Variants in SYT2 observed in about 807,000 individuals in gnomAD.
SYT2 encodes synaptotagmin-2.
In SYT2, 15 loss-of-function variants were observed where a neutral mutation model predicts 39.9. The observed-to-expected ratio is 0.38, with a 90% CI of 0.25 to 0.58. SYT2 has a LOEUF of 0.58. SYT2 is among the 20% of genes least tolerant of loss of function. The probability of loss-of-function intolerance (pLI) is 0.70; values close to 1 mark genes in which losing one functional copy is unlikely to be tolerated. For missense variants in SYT2, 389 were observed against 530.3 expected (o/e 0.73, Z 2.62); for synonymous variants, 181 against 204.5 (o/e 0.89, Z 0.98).
At chr1:202,618,896 A>G (rs1385256818) in intron 1 of SYT2, among the ~76,000 whole-genome samples, 1 of 152,158 alleles carries the variant, frequency 6.6e-6, no homozygotes, top group Non-Finnish European at 1.5e-5. Context: ...AAAATGTAAA[A>G]AGAAGGAAAA....
At chr1:202,654,237 A>T (rs990193736) in intron 1 of SYT2, among the ~76,000 whole-genome samples, 1 of 152,192 alleles carries the variant, frequency 6.6e-6, no homozygotes, top group African/African-American at 2.4e-5. Flanking sequence ...GGATGAGCTA[A>T]TTAACTTAAC....
chr1:202,669,460 G>A (rs1692541504), intron 1 of SYT2, among the ~76,000 whole-genome samples: 1 of 152,028 alleles, frequency 6.6e-6, no homozygotes. Context: ...GACCAGTCTG[G>A]CCAAGATGGT....
At chr1:202,600,201 A>G (rs1487903845) in intron 7 of SYT2, among the ~76,000 whole-genome samples, 156 bp downstream of exon 7, 13 of 152,204 alleles carry the variant, frequency 8.5e-5, no homozygotes, top group Non-Finnish European at 1.2e-4. Context: ...GGAGAAAAGG[A>G]GGGCCTGGGA....
At chr1:202,598,809 T>C (rs1487145039) in intron 8 of SYT2, among the ~76,000 whole-genome samples, 3 of 152,002 alleles carry the variant, frequency 2.0e-5, no homozygotes, top group African/African-American at 7.2e-5. Context: ...GAGGAGTAGA[T>C]GGGAAAGACC....
At chr1:202,648,248 T>C (rs928302976) in intron 1 of SYT2, among the ~76,000 whole-genome samples, 2 of 151,876 alleles carry the variant, frequency 1.3e-5, no homozygotes, top group African/African-American at 4.8e-5. Flanking sequence ...AGGTGTGATC[T>C]CGGCTCACCG....
At chr1:202,606,025 G>A (rs1459732103) in intron 1 of SYT2, among the ~76,000 whole-genome samples, 2 of 151,906 alleles carry the variant, frequency 1.3e-5, no homozygotes, top group Non-Finnish European at 2.9e-5. Flanking sequence ...GCATAGTGGG[G>A]GCTGAAGTGA....
intron 1 of SYT2, among the ~76,000 whole-genome samples, chr1:202,613,141 T>C (rs1249042007): frequency 7.5e-6 from 1 of 132,684 alleles, no homozygotes; most frequent in African/African-American, 2.8e-5. Context: ...AGAGCAGTGG[T>C]GCAATCTCGG....
At chr1:202,636,877 T>A (rs11585137) in intron 1 of SYT2, among the ~76,000 whole-genome samples, 39,993 of 152,090 alleles carry the variant, frequency 0.26, 5,450 homozygotes, top group Non-Finnish European at 0.31. Flanking sequence ...AGTGTTTAAG[T>A]AACTTAGCCA....
At chr1:202,620,805 C>T (rs113367809) in intron 1 of SYT2, among the ~76,000 whole-genome samples, 23 of 152,174 alleles carry the variant, frequency 1.5e-4, no homozygotes, top group South Asian at 6.2e-4. Context: ...GAGACGACCT[C>T]GCACACTCAC....
intron 1 of SYT2, among the ~76,000 whole-genome samples, chr1:202,649,511 C>G (rs1020480413): frequency 1.3e-5 from 2 of 152,144 alleles, no homozygotes; most frequent in South Asian, 4.1e-4. Context: ...ATTCTTATTT[C>G]TATTTTCAAG....
rs1690688627 is a variant in SYT2 at position 202,605,875 on chromosome 1, C to A, written c.-17-86G>T. The A allele has an allele frequency of 1.2e-5, 11 of 884,582 alleles. No individual in the cohort carries two copies. In the South Asian group the frequency reaches 1.5e-4, roughly 12 times the overall value. The allele number at this position is 884,582 out of a possible 1,614,324, so 54.8% of individuals were successfully genotyped here. A position where few individuals can be genotyped will look rare whatever the true frequency, so the allele number is the denominator to read the frequency against. On this transcript the variant is annotated intron_variant, in intron 1 of 8. Transcript: ENST00000367268. ...GCCCTGCCCAAAGGACCAGGAGAAGCTCTTTATAGATCAAAGATATTTTGC... is the reference window on the plus strand; with the variant it reads ...GCCCTGCCCAAAGGACCAGGAGAAGATCTTTATAGATCAAAGATATTTTGC...
intron 1 of SYT2, chr1:202,639,788 C>T: frequency 1.0e-6 from 1 of 985,464 alleles, no homozygotes; most frequent in Non-Finnish European, 1.2e-6. Flanking sequence ...CTCCTGGAGC[C>T]TGAGGCCAGT....
chr1:202,597,183 C>A (rs1165034683), intron 8 of SYT2, among the ~76,000 whole-genome samples: 2 of 152,182 alleles, frequency 1.3e-5, no homozygotes, highest in African/African-American at 4.8e-5. Flanking sequence ...TGAGGATGTA[C>A]TGTGCTCTAG....
intron 1 of SYT2, among the ~76,000 whole-genome samples, chr1:202,651,797 A>T (rs934691615): frequency 7.9e-5 from 12 of 152,234 alleles, no homozygotes; most frequent in Non-Finnish European, 1.5e-4. Flanking sequence ...GTGGTGGCTC[A>T]CGCCTGTAAT....
At chr1:202,688,849 A>G (rs1653740623) in intron 1 of SYT2, among the ~76,000 whole-genome samples, 1 of 152,138 alleles carries the variant, frequency 6.6e-6, no homozygotes, top group Non-Finnish European at 1.5e-5. Flanking sequence ...TAAAGTAGAG[A>G]TGTCCCCGGG....
In SYT2 at chr1:202,614,690, G is replaced by A. The variant is rs1305562887; in HGVS notation, c.-17-8901C>T. On this transcript the variant is annotated intron_variant, in intron 1 of 8. Coordinates refer to ENST00000367268, the MANE Select transcript of SYT2 (RefSeq NM_177402.5). This position sits in a 1 kb window ranked among gnomAD's most constrained non-coding sequence, Gnocchi z 4.0. ...ATTGATGATTGAACTGAGACCTGAA[G>A]GGTGAGTATTTATCCAGGTAAAGAG... 6.6e-6 allele frequency among the ~76,000 whole-genome samples: 1 copy of A among 152,226 alleles called. No homozygotes were observed. Among genetic ancestry groups the A allele is most frequent in the African/African-American group, 2.4e-5 (1 of 41,454 alleles).
intron 1 of SYT2, among the ~76,000 whole-genome samples, chr1:202,607,893 A>C (rs2149074231): frequency 6.6e-6 from 1 of 152,144 alleles, no homozygotes; most frequent in East Asian, 1.9e-4. Context: ...TTTTTTTTTA[A>C]AAAACAGCTT....
At position 202,605,645 on chromosome 1, in the gene SYT2, A is replaced by T; in HGVS notation, c.128T>A (p.Met43Lys). The change falls in exon 2 of 9, where the codon ATG becomes AAG. Residue 43 changes from methionine to lysine, a missense_variant. Around this residue, in one of 4 missense-constraint regions of SYT2, gnomAD observed 280 missense variants for 335.6 expected, o/e 0.83. Coordinates refer to ENST00000367268, the MANE Select transcript of SYT2 (RefSeq NM_177402.5). The part of the protein sequence containing the change: ...SGGAGESQED[M>K]FAKLKEKLFN... ...TAACTTCTCCTTCAGTTTGGCAAAC[A>T]TGTCCTCCTGGCTCTCCCCAGCACC... 1 of 1,613,900 alleles carries T rather than the reference A, an allele frequency of 6.2e-7. No homozygotes were observed. The highest frequency in any genetic ancestry group is 8.5e-7 in the Non-Finnish European group (1 of 1,179,842).
intron 1 of SYT2, among the ~76,000 whole-genome samples, chr1:202,696,594 C>G (rs1434998417): frequency 6.6e-6 from 1 of 152,200 alleles, no homozygotes; most frequent in African/African-American, 2.4e-5. Flanking sequence ...CACAGTTGCA[C>G]AGAGAGCTTG....
Sources: gnomAD v4.1 joint callset for allele counts (sites outside exome capture counted in the v4.1 genomes callset) on GRCh38, gnomAD v4.1.1 for gene constraint, gnomAD v4.1.1 regional missense constraint, Gnocchi (gnomAD v3.1) non-coding constraint, MANE v1.5 for transcripts, NCBI Gene and HGNC (gene_info 2026-07-23, HGNC 2026-07-21) for gene names.